Variants in ARHGAP6 observed in about 807,000 individuals in gnomAD.
ARHGAP6 encodes the protein Rho GTPase activating protein 6.
A neutral mutation model predicts 55.7 loss-of-function variants in ARHGAP6; 16 were observed. That is an observed-to-expected ratio of 0.29 (90% CI 0.19 to 0.44). The LOEUF (loss-of-function observed/expected upper bound fraction) is 0.44. Among genes scored for constraint, ARHGAP6 ranks in the 20% least tolerant of loss-of-function variants. ARHGAP6 has a pLI of 1.00. For synonymous variants in ARHGAP6, 382 were observed against 360.9 expected, an observed-to-expected ratio of 1.06 and a Z score of -0.66; for missense variants, 698 against 808.9, an observed-to-expected ratio of 0.86 and a Z score of 1.66.
chrX:11,522,956 C>T (rs2050948630), intron 1 of ARHGAP6, among the ~76,000 whole-genome samples: 1 of 111,610 alleles, frequency 9.0e-6, no homozygotes, highest in East Asian at 2.8e-4. Flanking sequence ...GACCAATATC[C>T]CTGATGAACA....
At chrX:11,460,141 T>C (rs773596650) in intron 1 of ARHGAP6, among the ~76,000 whole-genome samples, 2 of 110,688 alleles carry the variant, frequency 1.8e-5, no homozygotes, top group African/African-American at 6.6e-5. Context: ...TATATTACAG[T>C]GTGTAAGACT....
At chrX:11,365,339 A>G (rs1471383778) in intron 1 of ARHGAP6, among the ~76,000 whole-genome samples, 1 of 111,987 alleles carries the variant, frequency 8.9e-6, no homozygotes, top group Admixed American at 9.5e-5. Context: ...TTTATTTCCA[A>G]TGGAGGGGGA....
intron 1 of ARHGAP6, among the ~76,000 whole-genome samples, chrX:11,544,056 C>T (rs905433649): frequency 1.8e-5 from 2 of 112,160 alleles, no homozygotes; most frequent in African/African-American, 6.5e-5. Flanking sequence ...TAGAAGGTAT[C>T]TTCACTCTTA....
Position 11,139,389 on chromosome X carries a change from G to T in ARHGAP6, c.2399C>A (p.Thr800Asn). ...CTCCGTCGCGGGGGCTGCGGCCTGA[G>T]TCCTCCGAGCCCCCTGCGTGTCGCT... is the stretch of plus-strand genomic sequence containing the variant. ...LDSDTQGARR[T>N]QAAAPATEGR... is the part of the protein sequence containing the mutation. Residue 800 changes from threonine to asparagine, a missense_variant, in exon 13 of 13, where the codon ACT becomes AAT. Thr to Asn is a moderately conservative substitution (Grantham distance 65). Coordinates refer to ENST00000337414, the MANE Select transcript of ARHGAP6 (RefSeq NM_013427.3). 8.4e-7 allele frequency: 1 copy of T among 1,185,725 alleles called. No homozygotes were observed. The highest frequency in any genetic ancestry group is 1.1e-6 in the Non-Finnish European group (1 of 884,219).
intron 1 of ARHGAP6, among the ~76,000 whole-genome samples, chrX:11,411,225 A>AAT (rs1221713322): frequency 1.2e-5 from 1 of 80,920 alleles, no homozygotes; most frequent in African/African-American, 4.5e-5. Flanking sequence ...ATATATATAA[A>AAT]ATATACAAAT....
intron 1 of ARHGAP6, among the ~76,000 whole-genome samples, chrX:11,415,051 A>G (rs1329605509): frequency 8.9e-6 from 1 of 112,330 alleles, no homozygotes; most frequent in Non-Finnish European, 1.9e-5. Flanking sequence ...TAAGTATGTG[A>G]AGTAATGCAT....
chrX:11,460,505 G>T (rs1250441452), intron 1 of ARHGAP6, among the ~76,000 whole-genome samples: 1 of 111,262 alleles, frequency 9.0e-6, no homozygotes, highest in African/African-American at 3.3e-5. Flanking sequence ...GAAACTGTGG[G>T]ATAATGTATG....
At chrX:11,187,082 A>G (rs2046395264) in intron 4 of ARHGAP6, among the ~76,000 whole-genome samples, 1 of 111,368 alleles carries the variant, frequency 9.0e-6, no homozygotes, top group South Asian at 3.8e-4. Context: ...AGCTATCCCT[A>G]TCAAGTGAGA....
intron 1 of ARHGAP6, among the ~76,000 whole-genome samples, chrX:11,313,353 C>A (rs1227299340): frequency 8.9e-6 from 1 of 112,404 alleles, no homozygotes; most frequent in Non-Finnish European, 1.9e-5. Context: ...GGGTCTGGAC[C>A]AACTTCCTTA....
chrX:11,164,280 G>GCAAA (rs2045987487), intron 9 of ARHGAP6, among the ~76,000 whole-genome samples: 1 of 112,273 alleles, frequency 8.9e-6, no homozygotes, highest in East Asian at 2.8e-4. Context: ...CATCACTTGG[G>GCAAA]CAAACAAACT....
At chrX:11,421,525 T>C (rs2049823399) in intron 1 of ARHGAP6, among the ~76,000 whole-genome samples, 1 of 111,937 alleles carries the variant, frequency 8.9e-6, no homozygotes, top group Non-Finnish European at 1.9e-5. Context: ...CCAGATGACA[T>C]TATATAGAGG....
At chrX:11,328,703 G>T (rs182071520) in intron 1 of ARHGAP6, among the ~76,000 whole-genome samples, 1 of 112,205 alleles carries the variant, frequency 8.9e-6, no homozygotes, top group Admixed American at 9.4e-5. Flanking sequence ...GAGAATTTCT[G>T]GGAAAATCTT....
intron 1 of ARHGAP6, among the ~76,000 whole-genome samples, chrX:11,277,488 T>C (rs1018962034): frequency 1.3e-4 from 15 of 111,383 alleles, no homozygotes; most frequent in African/African-American, 4.9e-4. Context: ...ATTCAAACAC[T>C]TATTTTAGTG....
intron 2 of ARHGAP6, among the ~76,000 whole-genome samples, chrX:11,244,541 C>T (rs894105351): frequency 8.9e-6 from 1 of 111,863 alleles, no homozygotes; most frequent in African/African-American, 3.2e-5. Flanking sequence ...CCTAAAAAGG[C>T]TGATTGGTTA....
intron 1 of ARHGAP6, among the ~76,000 whole-genome samples, chrX:11,637,917 A>G (rs1199390488): frequency 8.9e-5 from 10 of 111,773 alleles, no homozygotes; most frequent in Non-Finnish European, 1.9e-4. Flanking sequence ...AAAATGAGAA[A>G]GATGTTCAAT....
chrX:11,572,176 T>C (rs1234885094), intron 1 of ARHGAP6, among the ~76,000 whole-genome samples: 3 of 111,433 alleles, frequency 2.7e-5, no homozygotes, highest in Non-Finnish European at 3.8e-5. Flanking sequence ...TGAGGTTTCT[T>C]TTTTTTATTT....
intron 1 of ARHGAP6, among the ~76,000 whole-genome samples, chrX:11,413,120 G>C (rs748688503): frequency 8.9e-6 from 1 of 112,129 alleles, no homozygotes; most frequent in East Asian, 2.8e-4. Context: ...CTGGTTCTCT[G>C]TTCTGTGCCC....
intron 1 of ARHGAP6, among the ~76,000 whole-genome samples, chrX:11,645,143 A>G (rs2052513439): frequency 1.8e-5 from 2 of 111,701 alleles, no homozygotes; most frequent in African/African-American, 6.5e-5. Context: ...ACAAGACTAT[A>G]GTGATGGAGA....
At chrX:11,266,397 T>C (rs1207831380) in intron 1 of ARHGAP6, among the ~76,000 whole-genome samples, 1 of 111,551 alleles carries the variant, frequency 9.0e-6, no homozygotes, top group Non-Finnish European at 1.9e-5. Flanking sequence ...AACTACTGAC[T>C]CCATTTTTCT....
Sources: gnomAD v4.1 joint callset for allele counts (sites outside exome capture counted in the v4.1 genomes callset) on GRCh38, gnomAD v4.1.1 for gene constraint, MANE v1.5 for transcripts, NCBI Gene and HGNC (gene_info 2026-07-23, HGNC 2026-07-21) for gene names.